Variants in DNM2 observed in about 807,000 individuals in gnomAD.
DNM2 encodes the protein dynamin-2.
A neutral mutation model predicts 99.0 loss-of-function variants in DNM2; 15 were observed. That is an observed-to-expected ratio of 0.15 (90% CI 0.10 to 0.23). The LOEUF is 0.23. DNM2 is among the 10% of genes least tolerant of loss of function. The probability of loss-of-function intolerance (pLI) is 1.00; values close to 1 mark genes in which losing one functional copy is unlikely to be tolerated. For missense variants in DNM2, 742 were observed against 1,189.4 expected, an observed-to-expected ratio of 0.62 and a Z score of 5.53; for synonymous variants, 525 against 481.2, an observed-to-expected ratio of 1.09 and a Z score of -1.19.
chr19:10,771,279 C>T (rs1055181769), intron 2 of DNM2, among the ~76,000 whole-genome samples: 1 of 152,232 alleles, frequency 6.6e-6, no homozygotes, highest in African/African-American at 2.4e-5. Context: ...TGTCCTCAAT[C>T]TGTGATTCGG....
chr19:10,791,501 G>A (rs567994723), intron 7 of DNM2, among the ~76,000 whole-genome samples: 15 of 152,104 alleles, frequency 9.9e-5, no homozygotes, highest in African/African-American at 3.6e-4. Context: ...AGTACATTCC[G>A]AGGTACAGGG....
chr19:10,748,826 C>T (rs768362978), intron 1 of DNM2, among the ~76,000 whole-genome samples: 4 of 152,164 alleles, frequency 2.6e-5, no homozygotes, highest in South Asian at 2.1e-4. Flanking sequence ...CTATGTTGCC[C>T]GAGATGGGGT....
At chr19:10,798,596 T>C in intron 11 of DNM2, 24 bp downstream of exon 11, 5 of 1,613,640 alleles carry the variant, frequency 3.1e-6, no homozygotes, top group Non-Finnish European at 4.2e-6. Flanking sequence ...GTCTTCTTTA[T>C]TGGGTATAAT....
At position 10,783,027 on chromosome 19, in the gene DNM2, G is replaced by A. The variant is rs1422139221; in HGVS notation, c.756G>A (p.Leu252=). The A allele has an allele frequency of 6.2e-7, 1 of 1,614,108 alleles. No individual in the cohort carries two copies. The highest frequency in any genetic ancestry group is 1.7e-5 in the Admixed American group (1 of 60,034). ...GCAAGAAGGACATCCGTGCAGCACT[G>A]GCAGCTGAGAGGAAGTTCTTCCTCT... ...IEGKKDIRAA[L]AAERKFFLSH... is the part of the protein sequence containing the mutation. Residue 252 remains leucine, a synonymous_variant, in exon 6 of 21, where the codon CTG becomes CTA. Coordinates refer to ENST00000389253, the MANE Select transcript of DNM2 (RefSeq NM_001005361.3).
rs562741377 is a variant in DNM2, at chr19:10,793,605, A to G, written c.993-115A>G. 6.8e-5 allele frequency: 108 copies of G among 1,594,108 alleles called. No homozygotes were observed. In the East Asian group the frequency reaches 2.2e-3, roughly 33 times the overall value. ...ATTTGTCTTAATATAGACAGAAGAC[A>G]TTTTGCTGCTGAAAAATGGTAAAAG... On this transcript the variant is annotated intron_variant, in intron 7 of 20. Transcript: ENST00000389253.
chr19:10,806,004 G>T (rs1368310966), intron 13 of DNM2, 37 bp downstream of exon 13: 1 of 1,613,430 alleles, frequency 6.2e-7, no homozygotes. Context: ...CTCTACCCTG[G>T]GGGCGGGAGG....
At chr19:10,828,135 A>G (rs2073209134) in intron 18 of DNM2, among the ~76,000 whole-genome samples, 1 of 152,016 alleles carries the variant, frequency 6.6e-6, no homozygotes, top group Non-Finnish European at 1.5e-5. Context: ...CTAAAAATAC[A>G]AAAATTAGCC....
chr19:10,813,923 G>A (rs2072642999), intron 15 of DNM2, among the ~76,000 whole-genome samples: 1 of 152,202 alleles, frequency 6.6e-6, no homozygotes, highest in South Asian at 2.1e-4. Context: ...AGCACTCTGG[G>A]AGGCTGAGGT....
At chr19:10,782,372 C>CTCTTT (rs1555707552) in intron 5 of DNM2, among the ~76,000 whole-genome samples, 1 of 150,676 alleles carries the variant, frequency 6.6e-6, no homozygotes, top group Non-Finnish European at 1.5e-5. Flanking sequence ...TTTTCTCTTT[C>CTCTTT]TTTTTATTCA....
chr19:10,795,854 T>A lies in DNM2; in HGVS notation c.1196+415T>A. On this transcript the variant is annotated intron_variant, in intron 9 of 20. Coordinates refer to ENST00000389253, the MANE Select transcript of DNM2 (RefSeq NM_001005361.3). This position sits in a 1 kb window ranked among gnomAD's most constrained non-coding sequence, Gnocchi z 4.2. ...GGTCCCCTCCTTATTCTAACAAAGG[T>A]AGTTGCTCCAGGTGTCTGCCCTTCC... 1.4e-6 allele frequency: 1 copy of A among 718,094 alleles called. No homozygotes were observed. The highest frequency in any genetic ancestry group is 2.4e-6 in the Non-Finnish European group (1 of 419,584). The allele number at this position is 718,094 out of a possible 1,614,324, so 44.5% of individuals were successfully genotyped here.
chr19:10,827,510 G>A (rs1456838749), intron 18 of DNM2, among the ~76,000 whole-genome samples: 4 of 151,736 alleles, frequency 2.6e-5, no homozygotes, highest in Non-Finnish European at 4.4e-5. Context: ...TCGAGGCTGC[G>A]GTGAGCAAAG....
At chr19:10,732,414 C>T (rs1447329318) in intron 1 of DNM2, among the ~76,000 whole-genome samples, 1 of 150,262 alleles carries the variant, frequency 6.7e-6, no homozygotes, top group African/African-American at 2.4e-5. Context: ...TCCTGACTAA[C>T]ACGGTGAAAC....
intron 19 of DNM2, among the ~76,000 whole-genome samples, chr19:10,829,501 C>T (rs2073259115): frequency 6.6e-6 from 1 of 152,198 alleles, no homozygotes; most frequent in Admixed American, 6.5e-5. Context: ...ACCCCGCCTG[C>T]CCTCTGCTGG....
chr19:10,760,904 T>C (rs1988917048), intron 2 of DNM2, among the ~76,000 whole-genome samples: 1 of 146,736 alleles, frequency 6.8e-6, no homozygotes, highest in South Asian at 2.3e-4. Flanking sequence ...CAAGCAATCC[T>C]CCTGCGTCAG....
chr19:10,798,119 C>CA (rs2072002938), intron 10 of DNM2, among the ~76,000 whole-genome samples: 1 of 152,216 alleles, frequency 6.6e-6, no homozygotes, highest in African/African-American at 2.4e-5. Context: ...GCTACTCACT[C>CA]ACGCTGGCGA....
Position 10,830,218 on chromosome 19 carries a change from C to G in DNM2, c.2383C>G (p.Pro795Ala), listed in dbSNP as rs1418230694. 2 of 1,613,954 alleles carry G rather than the reference C, an allele frequency of 1.2e-6. No individual in the cohort carries two copies. The highest frequency in any genetic ancestry group is 1.1e-5 in the South Asian group (1 of 91,082). The change falls in exon 20 of 21, where the codon CCT becomes GCT. Residue 795 changes from proline (P) to alanine (A), a missense_variant. By Grantham distance (27) the Pro-to-Ala change is conservative (BLOSUM62 -1). Transcript: ENST00000389253. This position sits in a 1 kb window ranked among gnomAD's most constrained non-coding sequence, Gnocchi z 4.8. ...CCCCACTCCAGGGCCCCCCCTGATTCCTGTTCCCGTGGGGGCAGCAGCCTC... is the reference window on the plus strand; with the variant it reads ...CCCCACTCCAGGGCCCCCCCTGATTGCTGTTCCCGTGGGGGCAGCAGCCTC... ...RGPTPGPPLIPVPVGAAASFS... is the reference protein window; with the variant it reads ...RGPTPGPPLIAVPVGAAASFS...
chr19:10,738,291 G>A (rs1226130448), intron 1 of DNM2, among the ~76,000 whole-genome samples: 1 of 152,030 alleles, frequency 6.6e-6, no homozygotes, highest in African/African-American at 2.4e-5. Flanking sequence ...AAATAAAAAG[G>A]AAGTGGAGAC....
rs2073071016 is a variant in DNM2, at chr19:10,824,146, CTT to C, written c.1893+248_1893+249del. 3 of 540,224 alleles carry C rather than the reference CTT, an allele frequency of 5.6e-6. No homozygotes were observed. In the East Asian group the frequency reaches 9.6e-5, roughly 17 times the overall value. The allele number at this position is 540,224 out of a possible 1,614,324, so 33.5% of individuals were successfully genotyped here. A position where few individuals can be genotyped will look rare whatever the true frequency, so the allele number is the denominator to read the frequency against. On this transcript the variant is annotated intron_variant, in intron 17 of 20. Coordinates refer to ENST00000389253, the MANE Select transcript of DNM2 (RefSeq NM_001005361.3). ...GATGGGGTCCCACTTGCTTTGTTCTCTTCTCTTTTCCCCTTCCATCCTGAGGT... is the reference window on the plus strand; with the variant it reads ...GATGGGGTCCCACTTGCTTTGTTCTCCTCTTTTCCCCTTCCATCCTGAGGT...
intron 11 of DNM2, 59 bp downstream of exon 11, chr19:10,798,631 A>G: frequency 6.3e-7 from 1 of 1,597,784 alleles, no homozygotes; most frequent in Non-Finnish European, 8.6e-7. Flanking sequence ...TGTCAAGTGT[A>G]CTGTTCTGTG....
Sources: allele counts gnomAD v4.1 joint callset (sites outside exome capture counted in the v4.1 genomes callset), GRCh38; gene constraint gnomAD v4.1.1; non-coding constraint Gnocchi (gnomAD v3.1); transcripts MANE v1.5; gene names NCBI Gene and HGNC (gene_info 2026-07-23, HGNC 2026-07-21).